Variants in GRM8 observed in about 807,000 individuals in gnomAD.
The protein encoded by GRM8 is metabotropic glutamate receptor 8.
GRM8 carries 47 observed loss-of-function variants against 87.2 expected under a neutral mutation model. The observed-to-expected ratio is 0.54, with a 90% CI of 0.43 to 0.69. The LOEUF is 0.69. GRM8 is among the 30% of genes least tolerant of loss of function. GRM8 has a pLI of 0.00. For missense variants in GRM8, 1,019 were observed against 1,139.2 expected, an observed-to-expected ratio of 0.89 and a Z score of 1.52; for synonymous variants, 396 against 404.5, an observed-to-expected ratio of 0.98 and a Z score of 0.25.
chr7:126,798,736 G>T (rs544957875), intron 6 of GRM8, among the ~76,000 whole-genome samples: 19 of 152,244 alleles, frequency 1.2e-4, no homozygotes, highest in Admixed American at 8.5e-4. Flanking sequence ...GTGAAGTTCT[G>T]GGACTTGCTG....
intron 1 of GRM8, among the ~76,000 whole-genome samples, chr7:127,249,340 CAAAGCCTGAA>C (rs1291860485): frequency 2.0e-5 from 3 of 152,198 alleles, no homozygotes; most frequent in Non-Finnish European, 1.5e-5. Context: ...TAGCAGGTAT[CAAAGCCTGAA>C]GATGCATTAC....
At chr7:126,753,635 A>C (rs1390125453) in intron 7 of GRM8, among the ~76,000 whole-genome samples, 1 of 151,878 alleles carries the variant, frequency 6.6e-6, no homozygotes, top group Non-Finnish European at 1.5e-5. Flanking sequence ...TTGAAATAAG[A>C]AAACCTGAGG....
intron 7 of GRM8, among the ~76,000 whole-genome samples, chr7:126,681,157 C>T (rs1807526935): frequency 6.6e-6 from 1 of 152,202 alleles, no homozygotes; most frequent in Non-Finnish European, 1.5e-5. Context: ...CCATTTTCTG[C>T]ATACTCATTC....
At chr7:127,151,769 G>A (rs572586958) in intron 2 of GRM8, among the ~76,000 whole-genome samples, 21 of 152,188 alleles carry the variant, frequency 1.4e-4, no homozygotes, top group Non-Finnish European at 2.5e-4. Context: ...GTACTTTACA[G>A]AATACAAATC....
intron 2 of GRM8, among the ~76,000 whole-genome samples, chr7:127,215,450 GTAA>G (rs1183909770): frequency 6.6e-6 from 1 of 152,020 alleles, no homozygotes; most frequent in East Asian, 1.9e-4. Context: ...CGTTGACCTT[GTAA>G]CAGCGCCCAA....
chr7:126,477,915 A>T (rs1159629568), intron 9 of GRM8, among the ~76,000 whole-genome samples: 1 of 152,130 alleles, frequency 6.6e-6, no homozygotes, highest in Non-Finnish European at 1.5e-5. Context: ...GGTGTTGGCC[A>T]TGCAGTTCTC....
intron 6 of GRM8, among the ~76,000 whole-genome samples, chr7:126,859,998 TCA>T (rs1798015264): frequency 1.3e-5 from 1 of 77,852 alleles, no homozygotes; most frequent in African/African-American, 8.8e-5. Flanking sequence ...AATTTAATTC[TCA>T]TATTTATTTA....
chr7:126,901,927 A>T (rs150058747), intron 6 of GRM8, among the ~76,000 whole-genome samples: 1 of 151,888 alleles, frequency 6.6e-6, no homozygotes, highest in Non-Finnish European at 1.5e-5. Flanking sequence ...GTTCTAAGTA[A>T]CTCTGTCTCA....
chr7:126,775,479 G>GTTTTTTT lies in GRM8; in HGVS notation c.1157-5421_1157-5415dup, dbSNP rs372733476. 7.5e-4 allele frequency among the ~76,000 whole-genome samples: 79 copies of GTTTTTTT among 104,752 alleles called. 4 individuals are homozygous for GTTTTTTT. The highest frequency in any genetic ancestry group is 3.4e-3 in the African/African-American group (78 of 23,052). The allele number at this position is 104,752 out of a possible 152,430, so 68.7% of individuals were successfully genotyped here. On this transcript the variant is annotated intron_variant, in intron 6 of 10. Transcript: ENST00000339582. ...TGAGCGCTATCAAGCTGACAAATAG[G>GTTTTTTT]TTTTTTTTTTTTTTTTTTTTTTTTT...
intron 2 of GRM8, among the ~76,000 whole-genome samples, chr7:127,201,652 A>T (rs1795614598): frequency 6.6e-6 from 1 of 152,180 alleles, no homozygotes; most frequent in Admixed American, 6.6e-5. Flanking sequence ...TAACTTTGAA[A>T]ATAGAGGAAG....
Position 127,106,524 on chromosome 7 carries a change from C to T in GRM8, c.699G>A (p.Glu233=), listed in dbSNP as rs1256487314. ...SEGNYGESGV[E]AFTQISREIG... ...TCTCCCTCGAGATCTGGGTGAAGGC[C>T]TCCACACCGCTCTCACCATAGTTCC... Residue 233 remains glutamate (E), a synonymous_variant, in exon 3 of 11, where the codon GAG becomes GAA. Coordinates refer to ENST00000339582, the MANE Select transcript of GRM8 (RefSeq NM_000845.3). 1.2e-6 allele frequency: 2 copies of T among 1,613,848 alleles called. No homozygotes were observed. Among genetic ancestry groups the T allele is most frequent in the South Asian group, 1.1e-5 (1 of 91,084 alleles).
intron 8 of GRM8, among the ~76,000 whole-genome samples, chr7:126,607,647 T>C (rs965446595): frequency 6.6e-6 from 1 of 152,154 alleles, no homozygotes; most frequent in Non-Finnish European, 1.5e-5. Flanking sequence ...TCCTAGTTTA[T>C]TTGAAGCATT....
At chr7:126,722,586 A>G (rs1258362839) in intron 7 of GRM8, among the ~76,000 whole-genome samples, 1 of 152,140 alleles carries the variant, frequency 6.6e-6, no homozygotes, top group East Asian at 1.9e-4. Flanking sequence ...CCTTGAAGAT[A>G]ATTTTCCAAC....
chr7:126,779,781 C>G (rs565930947), intron 6 of GRM8, among the ~76,000 whole-genome samples: 61 of 152,178 alleles, frequency 4.0e-4, no homozygotes, highest in African/African-American at 1.3e-3. Flanking sequence ...ACGTTTTTCT[C>G]TCATTTAAAT....
chr7:126,808,386 C>A (rs1792976547), intron 6 of GRM8, among the ~76,000 whole-genome samples: 1 of 152,012 alleles, frequency 6.6e-6, no homozygotes, highest in Non-Finnish European at 1.5e-5. Flanking sequence ...AAATAAACAC[C>A]AAGTCAAAGA....
At chr7:126,541,796 T>C (rs1816572671) in intron 8 of GRM8, among the ~76,000 whole-genome samples, 1 of 152,222 alleles carries the variant, frequency 6.6e-6, no homozygotes, top group African/African-American at 2.4e-5. Flanking sequence ...AAGAGCTACT[T>C]GAGATCGTAG....
chr7:126,689,685 C>G (rs994793533), intron 7 of GRM8, among the ~76,000 whole-genome samples: 2 of 152,226 alleles, frequency 1.3e-5, no homozygotes, highest in African/African-American at 4.8e-5. Flanking sequence ...CAGATATACT[C>G]TGCCAATTTA....
At chr7:126,466,151 G>A (rs1804479431) in intron 9 of GRM8, among the ~76,000 whole-genome samples, 1 of 151,656 alleles carries the variant, frequency 6.6e-6, no homozygotes, top group Admixed American at 6.6e-5. Context: ...GTGGAATCCT[G>A]TAATTTTCTT....
At chr7:126,942,924 C>G (rs918000632) in intron 3 of GRM8, among the ~76,000 whole-genome samples, 1 of 152,064 alleles carries the variant, frequency 6.6e-6, no homozygotes, top group Non-Finnish European at 1.5e-5. Flanking sequence ...ACAAAAGGAT[C>G]CTGATACTGA....
Sources: allele counts gnomAD v4.1 joint callset (sites outside exome capture counted in the v4.1 genomes callset), GRCh38; gene constraint gnomAD v4.1.1; transcripts MANE v1.5; gene names NCBI Gene and HGNC (gene_info 2026-07-23, HGNC 2026-07-21).